The following CLRN1 variants were observed in gnomAD, a reference collection of about 807,000 sequenced individuals.
The protein encoded by CLRN1 is clarin-1.
CLRN1 carries 15 observed loss-of-function variants against 18.7 expected under a neutral mutation model. That is an observed-to-expected ratio of 0.80 (90% CI 0.54 to 1.23). The LOEUF is 1.23. Among genes scored for constraint, CLRN1 ranks in the 50% most tolerant of loss-of-function variants. The probability of loss-of-function intolerance (pLI) is 0.00; values close to 1 mark genes in which losing one functional copy is unlikely to be tolerated. For missense variants in CLRN1, 311 were observed against 277.5 expected (o/e 1.12, Z -0.86); for synonymous variants, 104 against 102.9 (o/e 1.01, Z -0.07).
chr3:150,943,858 C>T (rs1323112713), intron 1 of CLRN1: 1 of 1,614,040 alleles, frequency 6.2e-7, no homozygotes, highest in African/African-American at 1.3e-5. Context: ...GTTTACTCCT[C>T]ACAGCACTAA....
intron 1 of CLRN1, among the ~76,000 whole-genome samples, chr3:150,943,619 C>A (rs1273573355): frequency 2.6e-5 from 4 of 152,236 alleles, no homozygotes; most frequent in African/African-American, 9.6e-5. Flanking sequence ...GGGCACCAAA[C>A]AAGAATTCAG....
At chr3:150,972,412 G>A (rs777391431) in intron 1 of CLRN1, 44 bp downstream of exon 1, 11 of 1,613,668 alleles carry the variant, frequency 6.8e-6, no homozygotes, top group Non-Finnish European at 9.3e-6. Flanking sequence ...ACTGGGAAGA[G>A]TCTGCCTAAA....
chr3:150,941,718 G>C lies in CLRN1; in HGVS notation c.297C>G (p.Val99=), dbSNP rs371895104. 6.2e-7 allele frequency: 1 copy of C among 1,613,970 alleles called. No homozygotes were observed. Among genetic ancestry groups the C allele is most frequent in the Non-Finnish European group, 8.5e-7 (1 of 1,179,960 alleles). Residue 99 remains valine, a synonymous_variant, in exon 2 of 3, where the codon GTC becomes GTG. Coordinates refer to ENST00000327047, the MANE Select transcript of CLRN1 (RefSeq NM_174878.3). ...GGATGGCAGAGAAGAGAATGACATTGACGTGGATGCTCACTGGGATTGCTT... is the reference window on the plus strand; with the variant it reads ...GGATGGCAGAGAAGAGAATGACATTCACGTGGATGCTCACTGGGATTGCTT... ...LLKAIPVSIH[V]NVILFSAILI...
At chr3:150,956,933 A>G (rs1013356115) in intron 1 of CLRN1, among the ~76,000 whole-genome samples, 1 of 152,176 alleles carries the variant, frequency 6.6e-6, no homozygotes, top group African/African-American at 2.4e-5. Flanking sequence ...CTTGTAAACT[A>G]AACTCTCTCA....
rs369185342 is a variant in CLRN1 at position 150,928,162 on chromosome 3, T to C, written c.473A>G (p.Glu158Gly). The C allele has an allele frequency of 4.3e-5, 69 of 1,613,908 alleles. No homozygotes were observed. Among genetic ancestry groups the C allele is most frequent in the Non-Finnish European group, 5.6e-5 (66 of 1,180,012 alleles). Reference sequence around the variant, plus strand: ...TTCTGAGAGGTGATGGATTTTCACTTCAGAGGCAAACAATATCATGACAAG... The same window carrying C: ...TTCTGAGAGGTGATGGATTTTCACTCCAGAGGCAAACAATATCATGACAAG... ...GCLVMILFAS[E>G]VKIHHLSEKI... Residue 158 changes from glutamate to glycine, a missense_variant, in exon 3 of 3, where the codon GAA becomes GGA. Coordinates refer to ENST00000327047, the MANE Select transcript of CLRN1 (RefSeq NM_174878.3).
intron 1 of CLRN1, among the ~76,000 whole-genome samples, chr3:150,947,386 A>G (rs1714234245): frequency 6.6e-6 from 1 of 152,216 alleles, no homozygotes; most frequent in Admixed American, 6.5e-5. Context: ...CATCCAACAC[A>G]GAAGCACCCA....
At position 150,927,022 on chromosome 3, in the gene CLRN1, A is replaced by C; in HGVS notation, c.*914T>G. 1 of 1,404,992 alleles carries C rather than the reference A, an allele frequency of 7.1e-7. No homozygotes were observed. The highest frequency in any genetic ancestry group is 9.8e-7 in the Non-Finnish European group (1 of 1,019,670). The allele number at this position is 1,404,992 out of a possible 1,614,324, so 87.0% of individuals were successfully genotyped here. ...TTTCATAATTGCATATTAGTACTCGAGACACTATAGCTAGAAAAACAGCCC... is the reference window on the plus strand; with the variant it reads ...TTTCATAATTGCATATTAGTACTCGCGACACTATAGCTAGAAAAACAGCCC... On this transcript the variant is annotated 3_prime_UTR_variant, in exon 3 of 3. Transcript: ENST00000327047.
At chr3:150,971,092 C>CA (rs1252428492) in intron 1 of CLRN1, among the ~76,000 whole-genome samples, 2 of 152,200 alleles carry the variant, frequency 1.3e-5, no homozygotes, top group Non-Finnish European at 2.9e-5. Flanking sequence ...AAGCTTTACT[C>CA]ACGCTTTGGC....
At chr3:150,962,596 C>T (rs1431497284) in intron 1 of CLRN1, among the ~76,000 whole-genome samples, 2 of 152,086 alleles carry the variant, frequency 1.3e-5, no homozygotes, top group Non-Finnish European at 2.9e-5. Context: ...TAAAACTGTT[C>T]ATGCCACCTC....
chr3:150,926,991 T>C lies in CLRN1; in HGVS notation c.*945A>G. The C allele has an allele frequency of 6.4e-7, 1 of 1,554,456 alleles. No homozygotes were observed. Among genetic ancestry groups the C allele is most frequent in the South Asian group, 1.2e-5 (1 of 86,186 alleles). On this transcript the variant is annotated 3_prime_UTR_variant, in exon 3 of 3. Transcript: ENST00000327047. ...GATACCGTCATAATCCCAGATTTAA[T>C]ATAATTTTCATAATTGCATATTAGT...
chr3:150,936,475 C>G (rs1713494484), intron 2 of CLRN1, among the ~76,000 whole-genome samples: 1 of 152,102 alleles, frequency 6.6e-6, no homozygotes, highest in Admixed American at 6.6e-5. Context: ...CCCTAAACTG[C>G]AAGCCTGCTC....
intron 1 of CLRN1, among the ~76,000 whole-genome samples, chr3:150,969,236 G>A (rs1386963915): frequency 8.2e-6 from 1 of 122,580 alleles, no homozygotes; most frequent in East Asian, 2.4e-4. Context: ...TTTTACTTTT[G>A]TTTTCTAATA....
intron 2 of CLRN1, among the ~76,000 whole-genome samples, chr3:150,939,023 A>T (rs1713647830): frequency 6.6e-6 from 1 of 152,302 alleles, no homozygotes; most frequent in Non-Finnish European, 1.5e-5. Context: ...TCAGAATTTC[A>T]TTCAGAAGCT....
chr3:150,942,075 C>G (rs944240105), intron 1 of CLRN1, among the ~76,000 whole-genome samples: 3 of 151,106 alleles, frequency 2.0e-5, no homozygotes, highest in Non-Finnish European at 3.0e-5. Context: ...AATAACCAAG[C>G]CTTTAATGAC....
Position 150,956,715 on chromosome 3 carries a change from G to T in CLRN1, c.254-14954C>A, listed in dbSNP as rs114927220. Among the ~76,000 whole-genome samples, 360 of 152,250 alleles carry T rather than the reference G, an allele frequency of 2.4e-3. 4 individuals carry two copies. The highest frequency in any genetic ancestry group is 8.4e-3 in the African/African-American group (348 of 41,552). On this transcript the variant is annotated intron_variant, in intron 1 of 2. Transcript: ENST00000327047. ...AGGGGCTCTATATTTTGGGCTGTGA[G>T]CCTTGCCTCCCTGCCCTTACTCTCC...
chr3:150,969,313 A>ATATATTTAT (rs1267715691), intron 1 of CLRN1, among the ~76,000 whole-genome samples: 1 of 43,544 alleles, frequency 2.3e-5, no homozygotes, highest in African/African-American at 9.9e-5. Flanking sequence ...ATATATATAT[A>ATATATTTAT]TTTTTTTTTT....
intron 1 of CLRN1, among the ~76,000 whole-genome samples, chr3:150,955,714 T>C (rs537485197): frequency 1.3e-5 from 2 of 152,316 alleles, no homozygotes; most frequent in East Asian, 3.9e-4. Flanking sequence ...CACCTGAACA[T>C]GACAAAGCTC....
chr3:150,959,592 AC>A (rs1714925312), intron 1 of CLRN1, among the ~76,000 whole-genome samples: 1 of 147,484 alleles, frequency 6.8e-6, no homozygotes, highest in Non-Finnish European at 1.5e-5. Flanking sequence ...TCACATCACT[AC>A]CCTCCAGCCT....
chr3:150,933,333 G>GAT (rs1386855571), intron 2 of CLRN1, among the ~76,000 whole-genome samples: 1 of 152,070 alleles, frequency 6.6e-6, no homozygotes, highest in African/African-American at 2.4e-5. Context: ...ATCAGAGTGT[G>GAT]ATATATATTA....
Sources: allele counts gnomAD v4.1 joint callset (sites outside exome capture counted in the v4.1 genomes callset), GRCh38; gene constraint gnomAD v4.1.1; transcripts MANE v1.5; gene names NCBI Gene and HGNC (gene_info 2026-07-23, HGNC 2026-07-21).